The following STPG1 variants were observed in gnomAD, a reference collection of about 807,000 sequenced individuals.
STPG1 encodes O(6)-methylguanine-induced apoptosis 2.
In STPG1, 33 loss-of-function variants were observed where a neutral mutation model predicts 40.1. That is an observed-to-expected ratio of 0.82 (90% confidence interval 0.62 to 1.10). The LOEUF is 1.10. Ranked by LOEUF, STPG1 falls within the 50% of genes least tolerant of loss-of-function variation. The pLI is 0.00. For synonymous variants in STPG1, 150 were observed against 155.0 expected, an observed-to-expected ratio of 0.97 and a Z score of 0.24; for missense variants, 396 against 415.1, an observed-to-expected ratio of 0.95 and a Z score of 0.40.
In STPG1 at chr1:24,384,691, A is replaced by C. The variant is rs561831716; in HGVS notation, c.190-688T>G. ...TTACCAGGGGGAAGTAAATGTTGAC[A>C]GAAGTTGGCTGAGTGGTGTGAAATG... On this transcript the variant is annotated intron_variant, in intron 3 of 8. Transcript: ENST00000337248. Among the ~76,000 whole-genome samples, 12 of 152,288 alleles carry C rather than the reference A, an allele frequency of 7.9e-5. No homozygotes were observed. The East Asian group carries it at 2.3e-3, about 29-fold the overall frequency.
chr1:24,390,701 G>A (rs772476796), intron 3 of STPG1, among the ~76,000 whole-genome samples: 7 of 152,034 alleles, frequency 4.6e-5, no homozygotes, highest in Non-Finnish European at 1.0e-4. Context: ...TTACAGGTGT[G>A]AGCCACTGCA....
chr1:24,379,954 A>ACCG, intron 4 of STPG1, 131 bp from the exon 5 acceptor site: 2 of 863,274 alleles, frequency 2.3e-6, no homozygotes, highest in South Asian at 3.6e-5. Context: ...TGGCAGTAAC[A>ACCG]ATGATAAACT....
chr1:24,385,798 C>T (rs951509719), intron 3 of STPG1, among the ~76,000 whole-genome samples: 1 of 152,196 alleles, frequency 6.6e-6, no homozygotes, highest in Non-Finnish European at 1.5e-5. Context: ...AGTGCTGCCA[C>T]ACGCTAAGTG....
chr1:24,388,008 G>C (rs1642589766), intron 3 of STPG1, among the ~76,000 whole-genome samples: 1 of 152,136 alleles, frequency 6.6e-6, no homozygotes. Context: ...CATTTGGGAG[G>C]GTAGATTTAC....
chr1:24,382,418 T>C (rs543084359), intron 4 of STPG1, among the ~76,000 whole-genome samples: 1 of 152,324 alleles, frequency 6.6e-6, no homozygotes, highest in Non-Finnish European at 1.5e-5. Flanking sequence ...AACGTTAATT[T>C]GCCCAGTGCC....
In STPG1 at chr1:24,357,109, G is replaced by A. The variant is rs936092328; in HGVS notation, c.*1434C>T. The A allele has an allele frequency of 2.8e-5, 4 of 145,268 alleles. No individual in the cohort carries two copies. Among genetic ancestry groups the A allele is most frequent in the East Asian group, 4.1e-4 (2 of 4,926 alleles). 9.0% of individuals were successfully genotyped at this position (145,268 alleles called of 1,614,324 possible). A position where few individuals can be genotyped will look rare whatever the true frequency, so the allele number is the denominator to read the frequency against. On this transcript the variant is annotated 3_prime_UTR_variant, in exon 9 of 9. Transcript: ENST00000337248. ...CATCACAGTTTTAAAGACAGGATTCGTATTACTGATGTTTCCTTTTGCCTC... is the reference window on the plus strand; with the variant it reads ...CATCACAGTTTTAAAGACAGGATTCATATTACTGATGTTTCCTTTTGCCTC...
chr1:24,410,795 A>G (rs1643589225), intron 1 of STPG1: 1 of 152,256 alleles, frequency 6.6e-6, no homozygotes, highest in Non-Finnish European at 1.5e-5. Context: ...ACTGTCCATG[A>G]CAGGATGGCA....
intron 3 of STPG1, among the ~76,000 whole-genome samples, chr1:24,385,570 G>C (rs1284747013): frequency 6.6e-6 from 1 of 152,184 alleles, no homozygotes; most frequent in African/African-American, 2.4e-5. Context: ...GCACTGTTCT[G>C]AGGACTTTAC....
chr1:24,375,139 CACGAAAT>C (rs1641961667), intron 5 of STPG1, among the ~76,000 whole-genome samples: 1 of 152,112 alleles, frequency 6.6e-6, no homozygotes. Flanking sequence ...CTGGCCAACT[CACGAAAT>C]ACATTTGAGA....
intron 1 of STPG1, among the ~76,000 whole-genome samples, chr1:24,405,714 G>T (rs561942842): frequency 6.6e-6 from 1 of 152,218 alleles, no homozygotes; most frequent in East Asian, 1.9e-4. Flanking sequence ...CCAGGTGCAT[G>T]AACATTTATA....
At position 24,384,010 on chromosome 1, in the gene STPG1, G is replaced by A; in HGVS notation, c.190-7C>T. The stretch of plus-strand genomic sequence containing the variant: ...CAGGTCCTGGGATATCATTCTGAAA[G>A]GGAAGAGAAGGTGGTGTCATCGAGA... On this transcript the variant is annotated splice_region_variant and splice_polypyrimidine_tract_variant and intron_variant, in intron 3 of 8. Transcript: ENST00000337248. The A allele has an allele frequency of 6.4e-7, 1 of 1,561,578 alleles. No homozygotes were observed. The highest frequency in any genetic ancestry group is 8.8e-7 in the Non-Finnish European group (1 of 1,132,130).
rs568024917 is a variant in STPG1 at position 24,405,104 on chromosome 1, C to G, written c.-68-3648G>C. The stretch of plus-strand genomic sequence containing the variant: ...TCCCCAGTAGCTGGGATTACAGGCA[C>G]TCCCACCACACCTGGCTAATTTTTT... On this transcript the variant is annotated intron_variant, in intron 1 of 8. Coordinates refer to ENST00000337248, the MANE Select transcript of STPG1 (RefSeq NM_001199013.2). Among the ~76,000 whole-genome samples the G allele has an allele frequency of 2.6e-5, 4 of 152,272 alleles. No homozygotes were observed. The South Asian group carries it at 6.2e-4, about 24-fold the overall frequency.
rs185512796 is a variant in STPG1, at chr1:24,377,482, C to T, written c.462+2171G>A. ...GCTGGGCTCCTTGCTATACCAGGAC[C>T]TTGGCACATGCTCTTTCTCCAACCC... On this transcript the variant is annotated intron_variant, in intron 5 of 8. Transcript: ENST00000337248. 2.2e-3 allele frequency among the ~76,000 whole-genome samples: 336 copies of T among 152,172 alleles called. 1 individual carries two copies. The highest frequency in any genetic ancestry group is 3.3e-3 in the Non-Finnish European group (226 of 67,978).
intron 3 of STPG1, among the ~76,000 whole-genome samples, chr1:24,387,423 G>A (rs1484952006): frequency 6.6e-6 from 1 of 152,138 alleles, no homozygotes; most frequent in African/African-American, 2.4e-5. Context: ...CTAGGCAGGT[G>A]GTGGAGGTAA....
upstream of STPG1, chr1:24,414,218 G>A (rs770769995): frequency 2.0e-5 from 3 of 151,350 alleles, no homozygotes; most frequent in Admixed American, 6.6e-5. Context: ...TATTCTTTTT[G>A]TATTTTTAGT....
At chr1:24,389,635 G>A (rs1410785011) in intron 3 of STPG1, among the ~76,000 whole-genome samples, 1 of 152,100 alleles carries the variant, frequency 6.6e-6, no homozygotes, top group East Asian at 1.9e-4. Flanking sequence ...AGAGATAAAA[G>A]GCAGTCTAAA....
At chr1:24,370,173 C>T (rs1641669732) in intron 6 of STPG1, among the ~76,000 whole-genome samples, 1 of 152,178 alleles carries the variant, frequency 6.6e-6, no homozygotes, top group Admixed American at 6.5e-5. Context: ...CAAATCTCTC[C>T]ACCTTGCTGG....
chr1:24,379,885 A>G (rs1642208239), intron 4 of STPG1, 62 bp from the exon 5 acceptor site: 2 of 1,541,564 alleles, frequency 1.3e-6, no homozygotes, highest in East Asian at 4.5e-5. Context: ...TGAAGGACAG[A>G]TGTCAAAAAG....
At chr1:24,389,329 C>T (rs78009032) in intron 3 of STPG1, among the ~76,000 whole-genome samples, 4,603 of 152,106 alleles carry the variant, frequency 0.03, 252 homozygotes, top group African/African-American at 0.1. Context: ...GTCTGTGTTG[C>T]TAAGGCCTTT....
Sources: gnomAD v4.1 joint callset for allele counts (sites outside exome capture counted in the v4.1 genomes callset) on GRCh38, gnomAD v4.1.1 for gene constraint, MANE v1.5 for transcripts, NCBI Gene and HGNC (gene_info 2026-07-23, HGNC 2026-07-21) for gene names.